ABR: variants seen among roughly 807,000 people sequenced by gnomAD.
ABR encodes the protein ABR activator of RhoGEF and GTPase.
A neutral mutation model predicts 107.2 loss-of-function variants in ABR; 35 were observed. The observed-to-expected ratio is 0.33, with a 90% confidence interval of 0.25 to 0.43. ABR has a LOEUF of 0.43. Ranked by LOEUF, ABR falls within the 20% of genes least tolerant of loss-of-function variation. ABR has a pLI of 1.00. For synonymous variants in ABR, 498 were observed against 462.0 expected, an observed-to-expected ratio of 1.08 and a Z score of -1.00; for missense variants, 815 against 1,115.2, an observed-to-expected ratio of 0.73 and a Z score of 3.83.
At chr17:1,215,448 C>T (rs957395994) in intron 1 of ABR, among the ~76,000 whole-genome samples, 1 of 152,206 alleles carries the variant, frequency 6.6e-6, no homozygotes, top group Non-Finnish European at 1.5e-5. Context: ...GCTGTGTTGG[C>T]CGGGCTGGTC....
chr17:1,200,382 A>T lies in ABR; in HGVS notation c.838+28411T>A, dbSNP rs181795324. Among the ~76,000 whole-genome samples, 38 of 152,124 alleles carry T rather than the reference A, an allele frequency of 2.5e-4. No individual in the cohort carries two copies. Among genetic ancestry groups the T allele is most frequent in the South Asian group, 2.1e-3 (10 of 4,810 alleles). ...CAAGACACTGTCTCCATTAAAAAAA[A>T]TTTTTTTAAATAAAGTCTATGGGAG... On this transcript the variant is annotated intron_variant, in intron 1 of 22. Transcript: ENST00000574139. This position sits in a 1 kb window ranked among gnomAD's most constrained non-coding sequence, Gnocchi z 4.1.
chr17:1,185,670 A>ATAAAATT (rs1567873692), intron 1 of ABR, among the ~76,000 whole-genome samples: 1 of 149,598 alleles, frequency 6.7e-6, no homozygotes, highest in Non-Finnish European at 1.5e-5. Flanking sequence ...AAAAAAAAAA[A>ATAAAATT]AAAAAAAAAA....
chr17:1,063,068 T>C (rs1486953781), intron 10 of ABR, among the ~76,000 whole-genome samples: 5 of 142,298 alleles, frequency 3.5e-5, no homozygotes, highest in African/African-American at 1.3e-4. Flanking sequence ...CTGAGGGCTA[T>C]GCATGTTCCT....
chr17:1,042,397 C>T (rs2030720085), intron 16 of ABR, among the ~76,000 whole-genome samples: 1 of 151,654 alleles, frequency 6.6e-6, no homozygotes, highest in South Asian at 2.1e-4. Context: ...CCTACATCCA[C>T]GGACGGATGG....
At chr17:1,109,655 C>T (rs935286317) in intron 2 of ABR, among the ~76,000 whole-genome samples, 1 of 151,928 alleles carries the variant, frequency 6.6e-6, no homozygotes, top group Admixed American at 6.5e-5. Flanking sequence ...ACCCCGGAGT[C>T]CCCATGCGCC....
In ABR at chr17:1,210,987, C is replaced by T. The variant is rs2042890812; in HGVS notation, c.838+17806G>A. Among the ~76,000 whole-genome samples, 1 of 152,174 alleles carries T rather than the reference C, an allele frequency of 6.6e-6. No homozygotes were observed. Among genetic ancestry groups the T allele is most frequent in the South Asian group, 2.1e-4 (1 of 4,830 alleles). The stretch of plus-strand genomic sequence containing the variant: ...AAAAATCTCCCGAGCTTGTTAAAAA[C>T]AGAGATTCCTGGCCGAGCGTGGTGG... On this transcript the variant is annotated intron_variant, in intron 1 of 22. Transcript: ENST00000574139. The surrounding 1 kb of genome is among the most constrained non-coding windows in gnomAD (Gnocchi z 5.6).
Position 1,050,376 on chromosome 17 carries a change from G to A in ABR, c.1659+161C>T, listed in dbSNP as rs2032325670. ...GGCCTGAGCTGACACCACAGGGTCT[G>A]ACACCCAGACACACACCGCGATCAG... On this transcript the variant is annotated intron_variant, in intron 15 of 22. Transcript: ENST00000302538. The surrounding 1 kb of genome is among the most constrained non-coding windows in gnomAD (Gnocchi z 4.6). 6.6e-6 allele frequency among the ~76,000 whole-genome samples: 1 copy of A among 152,160 alleles called. No individual in the cohort carries two copies. The highest frequency in any genetic ancestry group is 2.4e-5 in the African/African-American group (1 of 41,438).
chr17:1,031,747 GGGGGAC>G (rs2072792844), intron 16 of ABR: 1 of 1,237,478 alleles, frequency 8.1e-7, no homozygotes, highest in African/African-American at 1.6e-5. Flanking sequence ...GTCATGCCGG[GGGGGAC>G]GGGACGCGGC....
intron 1 of ABR, among the ~76,000 whole-genome samples, chr17:1,196,536 C>T (rs2042569295): frequency 6.6e-6 from 1 of 150,680 alleles, no homozygotes; most frequent in Non-Finnish European, 1.5e-5. Context: ...TCCTGCCTCA[C>T]CCACCCCCTC....
chr17:1,061,932 G>A (rs1261571848), intron 10 of ABR, among the ~76,000 whole-genome samples: 1 of 152,208 alleles, frequency 6.6e-6, no homozygotes, highest in African/African-American at 2.4e-5. Context: ...ATTCCAGTGG[G>A]GAAGAGAGGA....
rs1358690668 is a variant in ABR at position 1,059,785 on chromosome 17, T to G, written c.1183-918A>C. Among the ~76,000 whole-genome samples the G allele has an allele frequency of 3.3e-5, 5 of 152,318 alleles. No homozygotes were observed. The East Asian group carries it at 9.6e-4, about 29-fold the overall frequency. On this transcript the variant is annotated intron_variant, in intron 10 of 22. Transcript: ENST00000302538. ...TCAAGCTCCTCAGTTAGAATTCACC[T>G]CTATGGTGTTTTGTTCTTTTTAACC...
At chr17:1,008,438 T>G (rs919456388) in intron 21 of ABR, among the ~76,000 whole-genome samples, 41 of 152,086 alleles carry the variant, frequency 2.7e-4, no homozygotes, top group Admixed American at 2.6e-3. Flanking sequence ...GGCCAGCCCC[T>G]CACCACACGC....
At chr17:1,057,203 G>A (rs1309847395) in intron 12 of ABR, 101 bp from the exon 13 acceptor site, 6 of 760,412 alleles carry the variant, frequency 7.9e-6, no homozygotes, top group Non-Finnish European at 1.4e-5. Flanking sequence ...TAATCCCTGG[G>A]GCAGACTTGG....
At position 1,010,919 on chromosome 17, in the gene ABR, A is replaced by C; in HGVS notation, c.2102-56T>G. On this transcript the variant is annotated intron_variant, in intron 19 of 22. Transcript: ENST00000302538. The surrounding 1 kb of genome is among the most constrained non-coding windows in gnomAD (Gnocchi z 4.1). ...TTAGCTGGGCCAGCAGCCCCGTTCCACCCCCGACCCATCCTGACACAGCCC... is the reference window on the plus strand; with the variant it reads ...TTAGCTGGGCCAGCAGCCCCGTTCCCCCCCCGACCCATCCTGACACAGCCC... 1 of 1,600,760 alleles carries C rather than the reference A, an allele frequency of 6.2e-7. No homozygotes were observed. Among genetic ancestry groups the C allele is most frequent in the South Asian group, 1.1e-5 (1 of 90,054 alleles).
Position 1,134,219 on chromosome 17 carries a change from C to G in ABR, c.62-8852G>C, listed in dbSNP as rs567842990. ...CCTGAGGTCAGAAGTTTGAGACCAG[C>G]CTGCTCAACATGATGAAACCCCGTC... On this transcript the variant is annotated intron_variant, in intron 1 of 22. Coordinates refer to ENST00000302538, the MANE Select transcript of ABR (RefSeq NM_021962.5). Among the ~76,000 whole-genome samples, 3 of 152,176 alleles carry G rather than the reference C, an allele frequency of 2.0e-5. No individual in the cohort carries two copies. The South Asian group carries it at 6.2e-4, about 32-fold the overall frequency.
chr17:1,172,312 G>T (rs539862533), intron 1 of ABR, among the ~76,000 whole-genome samples: 223 of 152,322 alleles, frequency 1.5e-3, no homozygotes, highest in Non-Finnish European at 2.7e-3. Flanking sequence ...TCCGTAGCCT[G>T]CCTATTGGCC....
rs1017166330 is a variant in ABR at position 1,070,937 on chromosome 17, T to C, written c.895-847A>G. On this transcript the variant is annotated intron_variant, in intron 8 of 22. Coordinates refer to ENST00000302538, the MANE Select transcript of ABR (RefSeq NM_021962.5). The surrounding 1 kb of genome is among the most constrained non-coding windows in gnomAD (Gnocchi z 4.2). ...CAGCAATTTGGGAGGCTGAGGCGGGTGGATCACCTGAGGTCAGGAGTTTGA... is the reference window on the plus strand; with the variant it reads ...CAGCAATTTGGGAGGCTGAGGCGGGCGGATCACCTGAGGTCAGGAGTTTGA... 6.6e-6 allele frequency among the ~76,000 whole-genome samples: 1 copy of C among 151,710 alleles called. No individual in the cohort carries two copies. Among genetic ancestry groups the C allele is most frequent in the African/African-American group, 2.4e-5 (1 of 41,326 alleles).
intron 1 of ABR, among the ~76,000 whole-genome samples, chr17:1,201,898 C>T (rs553557215): frequency 1.3e-5 from 2 of 152,250 alleles, no homozygotes; most frequent in African/African-American, 2.4e-5. Flanking sequence ...AGGATGCTCT[C>T]GATCTCCTGA....
intron 1 of ABR, among the ~76,000 whole-genome samples, chr17:1,139,832 G>A (rs1344448370): frequency 6.6e-6 from 1 of 152,150 alleles, no homozygotes; most frequent in East Asian, 1.9e-4. Context: ...GCTGCCCTGA[G>A]GGGTTCATAT....
Sources: allele counts gnomAD v4.1 joint callset (sites outside exome capture counted in the v4.1 genomes callset), GRCh38; gene constraint gnomAD v4.1.1; non-coding constraint Gnocchi (gnomAD v3.1); transcripts MANE v1.5; gene names NCBI Gene and HGNC (gene_info 2026-07-23, HGNC 2026-07-21).